The following BCAS3 variants were observed in gnomAD, a reference collection of about 807,000 sequenced individuals.
BCAS3 encodes the protein BCAS3 microtubule associated cell migration factor, also known as BCAS4/BCAS3 fusion.
A neutral mutation model predicts 116.1 loss-of-function variants in BCAS3; 53 were observed. The observed-to-expected ratio is 0.46, with a 90% CI of 0.37 to 0.57. The LOEUF (loss-of-function observed/expected upper bound fraction) is 0.57, where lower values mean the gene tolerates loss of function less well. BCAS3 is among the 20% of genes least tolerant of loss of function. The pLI, the probability that BCAS3 is intolerant of heterozygous loss-of-function variation, is 0.00. For synonymous variants in BCAS3, 391 were observed against 408.2 expected (o/e 0.96, Z 0.51); for missense variants, 917 against 1,165.4 (o/e 0.79, Z 3.10).
At chr17:61,331,995 G>C (rs75905389) in intron 22 of BCAS3, among the ~76,000 whole-genome samples, 7 of 152,082 alleles carry the variant, frequency 4.6e-5, no homozygotes, top group Non-Finnish European at 1.0e-4. Flanking sequence ...ATCCTGTGCT[G>C]GTCTGTCTCT....
rs1168755407 is a variant in BCAS3, at chr17:61,073,985, T to C, written c.2030-935T>C. On this transcript the variant is annotated intron_variant, in intron 19 of 23. Coordinates refer to ENST00000407086, the MANE Select transcript of BCAS3 (RefSeq NM_017679.5). This position sits in a 1 kb window ranked among gnomAD's most constrained non-coding sequence, Gnocchi z 4.6. ...TGGGCAGGCATTGGTAGCTCATGCC[T>C]GTAGTCTCAGCTACTTATTAGACTG... is the stretch of plus-strand genomic sequence containing the variant. 6.6e-6 allele frequency among the ~76,000 whole-genome samples: 1 copy of C among 151,956 alleles called. No individual in the cohort carries two copies. The highest frequency in any genetic ancestry group is 1.9e-4 in the East Asian group (1 of 5,180).
chr17:61,251,776 C>T lies in BCAS3; in HGVS notation c.2426-116551C>T, dbSNP rs996868271. Among the ~76,000 whole-genome samples the T allele has an allele frequency of 6.6e-6, 1 of 152,100 alleles. No homozygotes were observed. The highest frequency in any genetic ancestry group is 1.5e-5 in the Non-Finnish European group (1 of 68,022). ...GGGAAAAGGCTAGACTGCTAGGTTC[C>T]CAGCTATACTGGATTATTAGACAAA... On this transcript the variant is annotated intron_variant, in intron 22 of 23. Transcript: ENST00000407086. The surrounding 1 kb of genome is among the most constrained non-coding windows in gnomAD (Gnocchi z 4.7).
intron 5 of BCAS3, among the ~76,000 whole-genome samples, chr17:60,732,545 G>A (rs958215938): frequency 2.6e-5 from 4 of 152,092 alleles, no homozygotes; most frequent in Non-Finnish European, 5.9e-5. Flanking sequence ...ATGTATTAGT[G>A]AGTTCAAGAA....
chr17:60,976,932 C>T (rs931458054), intron 14 of BCAS3, among the ~76,000 whole-genome samples: 14 of 152,174 alleles, frequency 9.2e-5, no homozygotes, highest in African/African-American at 2.7e-4. Context: ...CATCATGGCC[C>T]GTTCTCAATG....
intron 10 of BCAS3, among the ~76,000 whole-genome samples, chr17:60,901,258 G>T (rs1264900512): frequency 5.3e-5 from 8 of 151,106 alleles, no homozygotes; most frequent in Middle Eastern, 3.2e-3. Flanking sequence ...TGTTGTTGTT[G>T]TTTTTTACAT....
intron 1 of BCAS3, 46 bp from the exon 2 acceptor site, chr17:60,679,407 A>T (rs751033594): frequency 6.9e-7 from 1 of 1,449,018 alleles, no homozygotes. Context: ...CCCAACAACG[A>T]TCCATGTTTT....
At chr17:61,260,528 G>A (rs2049110907) in intron 22 of BCAS3, among the ~76,000 whole-genome samples, 1 of 152,200 alleles carries the variant, frequency 6.6e-6, no homozygotes, top group African/African-American at 2.4e-5. Context: ...CATGAAGGCT[G>A]ACAACTCTCT....
At chr17:60,684,767 A>G (rs1271966350) in intron 3 of BCAS3, among the ~76,000 whole-genome samples, 2 of 152,136 alleles carry the variant, frequency 1.3e-5, no homozygotes, top group African/African-American at 4.8e-5. Context: ...AAAGGTTTCC[A>G]TACTTTCTCC....
intron 14 of BCAS3, 56 bp from the exon 15 acceptor site, chr17:60,989,913 CTT>C: frequency 1.3e-6 from 2 of 1,558,880 alleles, no homozygotes; most frequent in Non-Finnish European, 1.8e-6. Flanking sequence ...GTGTGATACT[CTT>C]AGAAAAATCC....
intron 4 of BCAS3, 47 bp downstream of exon 4, chr17:60,689,808 G>A: frequency 2.3e-6 from 3 of 1,307,418 alleles, no homozygotes; most frequent in Non-Finnish European, 3.3e-6. Flanking sequence ...TTGTTTGTTT[G>A]GAGTACCTGA....
intron 5 of BCAS3, among the ~76,000 whole-genome samples, chr17:60,730,836 C>G (rs1309584338): frequency 6.6e-6 from 1 of 152,080 alleles, no homozygotes; most frequent in Non-Finnish European, 1.5e-5. Flanking sequence ...CAGCCTTTTT[C>G]TTTGTTTCCT....
chr17:60,776,017 G>A (rs1163952373), intron 6 of BCAS3, among the ~76,000 whole-genome samples: 1 of 152,064 alleles, frequency 6.6e-6, no homozygotes, highest in Non-Finnish European at 1.5e-5. Context: ...TTATTGGATT[G>A]GAAATAAAAA....
At chr17:61,079,525 G>A (rs1448395888) in intron 21 of BCAS3, among the ~76,000 whole-genome samples, 1 of 152,078 alleles carries the variant, frequency 6.6e-6, no homozygotes, top group Non-Finnish European at 1.5e-5. Flanking sequence ...GGTCTGAATT[G>A]CAACTCTTCA....
chr17:61,139,707 A>G lies in BCAS3; in HGVS notation c.2425+55143A>G, dbSNP rs553265121. Among the ~76,000 whole-genome samples the G allele has an allele frequency of 2.0e-5, 3 of 152,336 alleles. No individual in the cohort carries two copies. Among genetic ancestry groups the G allele is most frequent in the African/African-American group, 7.2e-5 (3 of 41,574 alleles). Reference sequence around the variant, plus strand: ...ATGATGTAGGGAATATAAAAAATGAAGAAGGCATGCTCCCTGGCCCCCAGA... The same window carrying G: ...ATGATGTAGGGAATATAAAAAATGAGGAAGGCATGCTCCCTGGCCCCCAGA... On this transcript the variant is annotated intron_variant, in intron 22 of 23. Coordinates refer to ENST00000407086, the MANE Select transcript of BCAS3 (RefSeq NM_017679.5). The surrounding 1 kb of genome is among the most constrained non-coding windows in gnomAD (Gnocchi z 4.7).
intron 8 of BCAS3, among the ~76,000 whole-genome samples, chr17:60,870,745 C>G (rs1245775012): frequency 6.6e-6 from 1 of 152,146 alleles, no homozygotes; most frequent in Non-Finnish European, 1.5e-5. Flanking sequence ...AAAGGTTCCG[C>G]TGCAGGTAAG....
In BCAS3 at chr17:61,300,075, T is replaced by C. The variant is rs1197428259; in HGVS notation, c.2426-68252T>C. On this transcript the variant is annotated intron_variant, in intron 22 of 23. Transcript: ENST00000407086. This position sits in a 1 kb window ranked among gnomAD's most constrained non-coding sequence, Gnocchi z 5.1. ...CAAATCAGTTTATTAAAATTGTAAA[T>C]GTAACCCAGAGCTGTTTAGTACAGT... Among the ~76,000 whole-genome samples, 1 of 152,214 alleles carries C rather than the reference T, an allele frequency of 6.6e-6. No individual in the cohort carries two copies. Among genetic ancestry groups the C allele is most frequent in the East Asian group, 1.9e-4 (1 of 5,200 alleles).
At chr17:60,897,606 TTC>T (rs1310951683) in intron 10 of BCAS3, among the ~76,000 whole-genome samples, 2 of 152,188 alleles carry the variant, frequency 1.3e-5, no homozygotes, top group Non-Finnish European at 2.9e-5. Flanking sequence ...ATTTTTAAAA[TTC>T]TTTTTTCTTT....
chr17:60,736,205 A>G (rs1310417336), intron 5 of BCAS3, among the ~76,000 whole-genome samples: 3 of 152,058 alleles, frequency 2.0e-5, no homozygotes, highest in Admixed American at 6.6e-5. Context: ...TGCCCAGCCT[A>G]TAATTCTTAT....
At chr17:60,875,479 C>T (rs1028176548) in intron 9 of BCAS3, among the ~76,000 whole-genome samples, 2 of 151,996 alleles carry the variant, frequency 1.3e-5, no homozygotes, top group African/African-American at 4.8e-5. Context: ...AGCAATTTAG[C>T]AGTTTCGTAT....
Sources: gnomAD v4.1 joint callset for allele counts (sites outside exome capture counted in the v4.1 genomes callset) on GRCh38, gnomAD v4.1.1 for gene constraint, Gnocchi (gnomAD v3.1) non-coding constraint, MANE v1.5 for transcripts, NCBI Gene and HGNC (gene_info 2026-07-23, HGNC 2026-07-21) for gene names.